Variants in CALN1 observed in about 807,000 individuals in gnomAD.
The protein encoded by CALN1 is calcium-binding protein 8.
In CALN1, 17 loss-of-function variants were observed where a neutral mutation model predicts 30.6. The observed-to-expected ratio is 0.56, with a 90% CI of 0.38 to 0.83. CALN1 has a LOEUF of 0.83. CALN1 is among the 40% of genes least tolerant of loss of function. The pLI is 0.00. For synonymous variants in CALN1, 156 were observed against 131.4 expected (o/e 1.19, Z -1.28); for missense variants, 291 against 354.9 (o/e 0.82, Z 1.45).
intron 4 of CALN1, among the ~76,000 whole-genome samples, chr7:72,059,408 T>C (rs1327722903): frequency 6.6e-6 from 1 of 151,874 alleles, no homozygotes; most frequent in African/African-American, 2.4e-5. Context: ...ACCCTGACAA[T>C]CCCTCATACT....
intron 5 of CALN1, among the ~76,000 whole-genome samples, chr7:72,011,149 CAAAA>C (rs112970749): frequency 8.9e-6 from 1 of 112,216 alleles, no homozygotes; most frequent in African/African-American, 3.4e-5. Flanking sequence ...GAGATTCCGT[CAAAA>C]AAAAAAGAAA....
intron 4 of CALN1, among the ~76,000 whole-genome samples, chr7:72,055,796 G>A (rs1803217172): frequency 6.6e-6 from 1 of 152,108 alleles, no homozygotes; most frequent in African/African-American, 2.4e-5. Context: ...AGGATTGCTT[G>A]AGGCTAGAAG....
At chr7:72,177,573 T>C (rs1585098365) in intron 3 of CALN1, among the ~76,000 whole-genome samples, 2 of 152,140 alleles carry the variant, frequency 1.3e-5, no homozygotes, top group East Asian at 1.9e-4. Context: ...GAGACCAGCC[T>C]GGCCAACATG....
intron 5 of CALN1, among the ~76,000 whole-genome samples, chr7:71,840,033 T>G (rs1037064998): frequency 9.9e-5 from 15 of 152,150 alleles, no homozygotes; most frequent in Non-Finnish European, 1.9e-4. Context: ...TGGGTTACTG[T>G]TGGGCCACAG....
At chr7:72,076,663 C>T (rs1272673705) in intron 4 of CALN1, among the ~76,000 whole-genome samples, 1 of 127,038 alleles carries the variant, frequency 7.9e-6, no homozygotes, top group Non-Finnish European at 1.6e-5. Flanking sequence ...GACATGCCCT[C>T]CTGCTGTCTG....
intron 5 of CALN1, among the ~76,000 whole-genome samples, chr7:71,937,395 T>C (rs1795897788): frequency 6.6e-6 from 1 of 150,810 alleles, no homozygotes; most frequent in Non-Finnish European, 1.5e-5. Flanking sequence ...TGTATATATG[T>C]ATTTACATAT....
chr7:72,437,698 CCTCT>C lies in CALN1; in HGVS notation c.-226+9340_-226+9343del, dbSNP rs903841410. ...TCCTTTTTTCTTTCCTTCCTCCCTC[CCTCT>C]CTCTTTCTTTCCTTCCTTCTTTCCT... On this transcript the variant is annotated intron_variant, in intron 1 of 6. Transcript: ENST00000395276. Among the ~76,000 whole-genome samples the C allele has an allele frequency of 4.9e-4, 20 of 40,752 alleles. No homozygotes were observed. In the South Asian group the frequency reaches 8.8e-3, roughly 18 times the overall value. The allele number at this position is 40,752 out of a possible 152,430, so 26.7% of individuals were successfully genotyped here.
intron 2 of CALN1, among the ~76,000 whole-genome samples, chr7:72,395,668 C>T (rs912207083): frequency 6.6e-6 from 1 of 152,080 alleles, no homozygotes; most frequent in Non-Finnish European, 1.5e-5. Flanking sequence ...GAGGTGGGGT[C>T]CAAGAATCTC....
chr7:72,054,540 T>TAC lies in CALN1; in HGVS notation c.389-30772_389-30771insGT, dbSNP rs1554425607. Reference sequence around the variant, plus strand: ...ATATACATATATACATACATATATATATACATATATATATATATATAATGG... The same window carrying TAC: ...ATATACATATATACATACATATATATACATACATATATATATATATATAATGG... On this transcript the variant is annotated intron_variant, in intron 4 of 6. Transcript: ENST00000395275. Among the ~76,000 whole-genome samples, 147 of 106,894 alleles carry TAC rather than the reference T, an allele frequency of 1.4e-3. 2 individuals carry two copies. The highest frequency in any genetic ancestry group is 6.0e-3 in the African/African-American group (137 of 22,916). The allele number at this position is 106,894 out of a possible 152,430, so 70.1% of individuals were successfully genotyped here.
At chr7:71,984,078 A>G (rs920948226) in intron 5 of CALN1, among the ~76,000 whole-genome samples, 1 of 152,208 alleles carries the variant, frequency 6.6e-6, no homozygotes, top group African/African-American at 2.4e-5. Flanking sequence ...TAATTAATCA[A>G]AAGAATACTC....
chr7:72,023,726 G>C lies in CALN1; in HGVS notation c.432C>G (p.Gly144=). 1.1e-5 allele frequency: 17 copies of C among 1,613,918 alleles called. No individual in the cohort carries two copies. The highest frequency in any genetic ancestry group is 1.4e-5 in the Non-Finnish European group (16 of 1,179,940). The stretch of plus-strand genomic sequence containing the variant: ...GACCTTCTGAAGACACCAGTTTGGG[G>C]CCAAGAATGGTCATGAATTCATCAA... The part of the protein sequence containing the change: ...VDFDEFMTIL[G]PKLVSSEGRD... Residue 144 remains glycine, a synonymous_variant, in exon 5 of 7, where the codon GGC becomes GGG. Coordinates refer to ENST00000395275, the MANE Select transcript of CALN1 (RefSeq NM_031468.4).
At chr7:71,792,611 T>C (rs529478156) in intron 6 of CALN1, among the ~76,000 whole-genome samples, 1 of 151,662 alleles carries the variant, frequency 6.6e-6, no homozygotes, top group Admixed American at 6.6e-5. Flanking sequence ...AGATACCAAG[T>C]CCCAGGAAGG....
intron 6 of CALN1, among the ~76,000 whole-genome samples, chr7:71,808,315 G>A (rs1440270293): frequency 1.3e-5 from 2 of 149,166 alleles, no homozygotes; most frequent in Non-Finnish European, 3.0e-5. Flanking sequence ...TATTAGTCCA[G>A]GCACTGCACT....
At chr7:72,333,381 C>G (rs1320642818) in intron 2 of CALN1, among the ~76,000 whole-genome samples, 1 of 152,216 alleles carries the variant, frequency 6.6e-6, no homozygotes, top group Non-Finnish European at 1.5e-5. Flanking sequence ...TGATTAAAAA[C>G]TTAATTCACA....
chr7:72,050,380 G>A (rs1802760349), intron 4 of CALN1, among the ~76,000 whole-genome samples: 1 of 152,052 alleles, frequency 6.6e-6, no homozygotes, highest in South Asian at 2.1e-4. Flanking sequence ...AGGAAAAAAA[G>A]GCTGTACCTC....
intron 2 of CALN1, among the ~76,000 whole-genome samples, chr7:72,319,186 T>C (rs2129557123): frequency 6.6e-6 from 1 of 152,280 alleles, no homozygotes; most frequent in Non-Finnish European, 1.5e-5. Context: ...GACATATATA[T>C]TCTGTATTAT....
chr7:72,376,874 T>C (rs1217626417), intron 2 of CALN1, among the ~76,000 whole-genome samples: 1 of 152,248 alleles, frequency 6.6e-6, no homozygotes, highest in Non-Finnish European at 1.5e-5. Context: ...TGTTATGAAG[T>C]AGGTATCCAA....
At chr7:71,830,984 G>GCACAAACAAA (rs1789240929) in intron 5 of CALN1, among the ~76,000 whole-genome samples, 1 of 152,076 alleles carries the variant, frequency 6.6e-6, no homozygotes, top group South Asian at 2.1e-4. Flanking sequence ...ACTTTTATTG[G>GCACAAACAAA]CAGCTGCAGC....
At chr7:72,336,513 C>A (rs1802049952) in intron 2 of CALN1, among the ~76,000 whole-genome samples, 3 of 152,102 alleles carry the variant, frequency 2.0e-5, no homozygotes, top group African/African-American at 7.2e-5. Flanking sequence ...GCCCCCAGCC[C>A]GCGGGGTGGG....
Sources: allele counts gnomAD v4.1 joint callset (sites outside exome capture counted in the v4.1 genomes callset), GRCh38; gene constraint gnomAD v4.1.1; transcripts MANE v1.5; gene names NCBI Gene and HGNC (gene_info 2026-07-23, HGNC 2026-07-21).